CNTNAP2: variants seen among roughly 807,000 people sequenced by gnomAD.
The protein encoded by CNTNAP2 is contactin associated protein 2.
CNTNAP2 carries 98 observed loss-of-function variants against 155.2 expected under a neutral mutation model. The observed-to-expected ratio is 0.63, with a 90% CI of 0.54 to 0.75. The LOEUF (loss-of-function observed/expected upper bound fraction) is 0.75. CNTNAP2 is among the 30% of genes least tolerant of loss of function. CNTNAP2 has a pLI of 0.00. For missense variants in CNTNAP2, 1,727 were observed against 1,688.1 expected, an observed-to-expected ratio of 1.02 and a Z score of -0.40; for synonymous variants, 651 against 631.2, an observed-to-expected ratio of 1.03 and a Z score of -0.47.
At chr7:147,013,369 C>G (rs1286492675) in intron 3 of CNTNAP2, among the ~76,000 whole-genome samples, 1 of 152,064 alleles carries the variant, frequency 6.6e-6, no homozygotes, top group East Asian at 1.9e-4. Flanking sequence ...GAGAACTAAA[C>G]TTTTAGCTTT....
At chr7:147,001,611 G>A (rs1444196731) in intron 3 of CNTNAP2, among the ~76,000 whole-genome samples, 2 of 151,868 alleles carry the variant, frequency 1.3e-5, no homozygotes, top group South Asian at 2.1e-4. Context: ...CACTGATGAT[G>A]CTGTAATTCT....
chr7:146,170,996 C>A (rs1169869989), intron 1 of CNTNAP2, among the ~76,000 whole-genome samples: 1 of 152,078 alleles, frequency 6.6e-6, no homozygotes, highest in Non-Finnish European at 1.5e-5. Context: ...CATTGCACAC[C>A]AGCCTAGGCA....
chr7:146,638,303 G>T (rs578123434), intron 1 of CNTNAP2, among the ~76,000 whole-genome samples: 4 of 152,092 alleles, frequency 2.6e-5, no homozygotes, highest in South Asian at 4.2e-4. Context: ...TCTGACAAAT[G>T]ACCTCCAGTT....
At chr7:148,059,408 A>G (rs968567967) in intron 15 of CNTNAP2, among the ~76,000 whole-genome samples, 4 of 152,038 alleles carry the variant, frequency 2.6e-5, no homozygotes, top group African/African-American at 9.7e-5. Context: ...CCTGACCAAC[A>G]TGGTGAAACC....
chr7:147,073,481 G>A (rs368192058), intron 4 of CNTNAP2, among the ~76,000 whole-genome samples: 5 of 152,072 alleles, frequency 3.3e-5, no homozygotes, highest in East Asian at 1.9e-4. Flanking sequence ...TAGGACAAAC[G>A]ACAAATTGTG....
At chr7:146,195,712 C>T (rs916825778) in intron 1 of CNTNAP2, among the ~76,000 whole-genome samples, 1 of 152,102 alleles carries the variant, frequency 6.6e-6, no homozygotes, top group Non-Finnish European at 1.5e-5. Flanking sequence ...ACCAGCCAGC[C>T]CAGCAGATAC....
chr7:146,648,007 T>C (rs895629955), intron 1 of CNTNAP2, among the ~76,000 whole-genome samples: 6 of 152,060 alleles, frequency 3.9e-5, no homozygotes, highest in Non-Finnish European at 8.8e-5. Context: ...ACAATTCTTA[T>C]CCCATCAGAC....
intron 1 of CNTNAP2, among the ~76,000 whole-genome samples, chr7:146,475,984 C>T (rs1796871847): frequency 6.6e-6 from 1 of 151,780 alleles, no homozygotes; most frequent in African/African-American, 2.4e-5. Context: ...GAAAGGTGAC[C>T]CACGTGAAAT....
At chr7:147,222,818 T>TG (rs1212879747) in intron 8 of CNTNAP2, among the ~76,000 whole-genome samples, 9 of 149,206 alleles carry the variant, frequency 6.0e-5, no homozygotes, top group African/African-American at 2.2e-4. Flanking sequence ...AGGGTTTTTT[T>TG]TTTTTTTTTT....
chr7:147,830,282 G>A (rs1195430825), intron 13 of CNTNAP2, among the ~76,000 whole-genome samples: 2 of 152,076 alleles, frequency 1.3e-5, no homozygotes, highest in African/African-American at 4.8e-5. Context: ...GGTGTCTGGT[G>A]AGGGGGAGTT....
intron 3 of CNTNAP2, among the ~76,000 whole-genome samples, chr7:146,958,418 T>TG: frequency 7.2e-6 from 1 of 139,840 alleles, no homozygotes; most frequent in African/African-American, 2.7e-5. Flanking sequence ...TTTTTTTTTT[T>TG]TTTTTTTTTT....
intron 11 of CNTNAP2, among the ~76,000 whole-genome samples, chr7:147,492,131 G>T (rs762484793): frequency 1.3e-5 from 2 of 152,292 alleles, no homozygotes; most frequent in South Asian, 4.1e-4. Flanking sequence ...CAGGGTGGGG[G>T]AAGTGGGTAA....
At chr7:146,278,560 T>C (rs2129084453) in intron 1 of CNTNAP2, among the ~76,000 whole-genome samples, 1 of 152,308 alleles carries the variant, frequency 6.6e-6, no homozygotes, top group Admixed American at 6.5e-5. Flanking sequence ...TGTAAGTAAA[T>C]GATGTGTCTA....
intron 1 of CNTNAP2, among the ~76,000 whole-genome samples, chr7:146,616,595 C>A (rs552279553): frequency 5.4e-4 from 82 of 151,774 alleles, no homozygotes; most frequent in Admixed American, 1.6e-3. Context: ...AATTTATAGT[C>A]AAAAAAAAGC....
intron 2 of CNTNAP2, among the ~76,000 whole-genome samples, chr7:146,782,687 G>A (rs562774949): frequency 6.5e-4 from 99 of 152,256 alleles, no homozygotes; most frequent in Middle Eastern, 3.4e-3. Context: ...AATCCTGAAA[G>A]TATGGTCCCT....
At chr7:146,131,258 T>A (rs1404826245) in intron 1 of CNTNAP2, among the ~76,000 whole-genome samples, 4 of 152,206 alleles carry the variant, frequency 2.6e-5, no homozygotes, top group Non-Finnish European at 5.9e-5. Context: ...TAATAAGATT[T>A]CAATTATTTG....
chr7:148,312,515 A>G (rs181335610), intron 21 of CNTNAP2, among the ~76,000 whole-genome samples: 8,850 of 152,192 alleles, frequency 0.058, 568 homozygotes, highest in Admixed American at 0.19. Context: ...GTGCAAAGGA[A>G]TAGTAAAGAA....
At chr7:148,096,527 G>C (rs1803975531) in intron 15 of CNTNAP2, among the ~76,000 whole-genome samples, 1 of 151,704 alleles carries the variant, frequency 6.6e-6, no homozygotes, top group African/African-American at 2.4e-5. Flanking sequence ...AATAATTTTT[G>C]AAAAAACAGG....
At chr7:147,459,993 G>A (rs1340531402) in intron 10 of CNTNAP2, among the ~76,000 whole-genome samples, 1 of 152,072 alleles carries the variant, frequency 6.6e-6, no homozygotes. Context: ...GGCCTGTCAG[G>A]GGATGGTGGG....
Sources: gnomAD v4.1 joint callset for allele counts (sites outside exome capture counted in the v4.1 genomes callset) on GRCh38, gnomAD v4.1.1 for gene constraint, MANE v1.5 for transcripts, NCBI Gene and HGNC (gene_info 2026-07-23, HGNC 2026-07-21) for gene names.